Variants in KIAA0232 observed in about 807,000 individuals in gnomAD.
The protein encoded by KIAA0232 is KIAA0232.
KIAA0232 carries 27 observed loss-of-function variants against 122.0 expected under a neutral mutation model. That is an observed-to-expected ratio of 0.22 (90% CI 0.16 to 0.31). The LOEUF (loss-of-function observed/expected upper bound fraction) is 0.31. KIAA0232 is among the 10% of genes least tolerant of loss of function. KIAA0232 has a pLI of 1.00. For synonymous variants in KIAA0232, 613 were observed against 587.6 expected, an observed-to-expected ratio of 1.04 and a Z score of -0.63; for missense variants, 1,551 against 1,634.2, an observed-to-expected ratio of 0.95 and a Z score of 0.88.
At chr4:6,830,330 A>ACCCCAGTG in intron 3 of KIAA0232, among the ~76,000 whole-genome samples, 1 of 151,050 alleles carries the variant, frequency 6.6e-6, no homozygotes, top group Non-Finnish European at 1.5e-5. Context: ...ATTAGGGCTG[A>ACCCCAGTG]CCCCAGTGGC....
chr4:6,800,039 C>CT (rs1717310962), intron 1 of KIAA0232, among the ~76,000 whole-genome samples: 5 of 67,304 alleles, frequency 7.4e-5, no homozygotes, highest in African/African-American at 1.2e-4. Flanking sequence ...TTCTTTCTTT[C>CT]TTTCTTTTTT....
intron 1 of KIAA0232, among the ~76,000 whole-genome samples, chr4:6,786,479 T>C (rs1239955551): frequency 6.6e-6 from 1 of 152,096 alleles, no homozygotes; most frequent in African/African-American, 2.4e-5. Flanking sequence ...ATTAAAACAA[T>C]TTGTTTTTTT....
chr4:6,855,950 C>T lies in KIAA0232; in HGVS notation c.370-1214C>T. 1 of 644,062 alleles carries T rather than the reference C, an allele frequency of 1.6e-6. No homozygotes were observed. Among genetic ancestry groups the T allele is most frequent in the Non-Finnish European group, 1.9e-6 (1 of 518,184 alleles). The allele number at this position is 644,062 out of a possible 1,614,324, so 39.9% of individuals were successfully genotyped here. ...GTTTGTGGTTGAACAGTGTTTATGA[C>T]TAATATCTGCCATCGTTTTTAAGAG... On this transcript the variant is annotated intron_variant, in intron 4 of 9. Coordinates refer to ENST00000307659, the MANE Select transcript of KIAA0232 (RefSeq NM_014743.3). This position sits in a 1 kb window ranked among gnomAD's most constrained non-coding sequence, Gnocchi z 4.3.
intron 1 of KIAA0232, among the ~76,000 whole-genome samples, chr4:6,800,023 TTTTCTTTC>T (rs757767534): frequency 6.4e-5 from 9 of 141,706 alleles, no homozygotes; most frequent in African/African-American, 1.8e-4. Context: ...TCTGTTTTCT[TTTTCTTTC>T]TTTCTTTCTT....
At chr4:6,817,013 A>C (rs1386818025) in intron 2 of KIAA0232, among the ~76,000 whole-genome samples, 3 of 152,052 alleles carry the variant, frequency 2.0e-5, no homozygotes, top group African/African-American at 7.2e-5. Flanking sequence ...AGGTTAAAGA[A>C]CCTGTTTTTG....
chr4:6,788,383 T>G (rs1180137921), intron 1 of KIAA0232, among the ~76,000 whole-genome samples: 1 of 152,244 alleles, frequency 6.6e-6, no homozygotes, highest in Non-Finnish European at 1.5e-5. Flanking sequence ...ATTGGCAGAC[T>G]ACTCTGAAAT....
At chr4:6,845,087 A>G (rs1719881558) in intron 4 of KIAA0232, among the ~76,000 whole-genome samples, 1 of 152,208 alleles carries the variant, frequency 6.6e-6, no homozygotes, top group African/African-American at 2.4e-5. Context: ...CACATAGTGA[A>G]GAATGGCCAT....
intron 2 of KIAA0232, among the ~76,000 whole-genome samples, chr4:6,807,032 G>GTCTGTCTGTCTGTCTATCTA (rs750617409): frequency 2.7e-5 from 4 of 145,746 alleles, no homozygotes; most frequent in African/African-American, 1.0e-4. Context: ...CTGTCTGTCT[G>GTCTGTCTGTCTGTCTATCTA]TCTATCTATC....
chr4:6,876,943 A>G (rs1161214462), intron 9 of KIAA0232, among the ~76,000 whole-genome samples, 186 bp downstream of exon 9: 2 of 152,100 alleles, frequency 1.3e-5, no homozygotes, highest in African/African-American at 2.4e-5. Flanking sequence ...CCCCGCTTCC[A>G]AACCCCCTTG....
In KIAA0232 at chr4:6,824,423, C is replaced by T. The variant is rs770232479; in HGVS notation, c.-31C>T. 1.9e-6 allele frequency: 3 copies of T among 1,548,120 alleles called. No homozygotes were observed. The highest frequency in any genetic ancestry group is 1.7e-5 in the Admixed American group (1 of 59,886). ...AGAATATCAACTGCAGAAAATGCTT[C>T]ACATTTTAAGGATGTCGGCAACCTA... On this transcript the variant is annotated 5_prime_UTR_variant, in exon 3 of 10. Coordinates refer to ENST00000307659, the MANE Select transcript of KIAA0232 (RefSeq NM_014743.3).
intron 2 of KIAA0232, among the ~76,000 whole-genome samples, chr4:6,821,983 T>C (rs1032406499): frequency 3.3e-5 from 5 of 152,130 alleles, no homozygotes; most frequent in African/African-American, 1.2e-4. Context: ...TTGTTTGCTA[T>C]ATTTAATGTT....
chr4:6,784,377 A>T (rs1484300337), intron 1 of KIAA0232, among the ~76,000 whole-genome samples: 1 of 136,264 alleles, frequency 7.3e-6, no homozygotes, highest in Admixed American at 7.9e-5. Flanking sequence ...GCAAAATAAG[A>T]CCCGTTCCAG....
chr4:6,857,642 TA>T (rs1720632169), intron 5 of KIAA0232, among the ~76,000 whole-genome samples: 1 of 152,212 alleles, frequency 6.6e-6, no homozygotes, highest in South Asian at 2.1e-4. Context: ...ATTACGACAT[TA>T]AATTAAGATG....
At chr4:6,818,176 G>C (rs993488919) in intron 2 of KIAA0232, among the ~76,000 whole-genome samples, 4 of 151,954 alleles carry the variant, frequency 2.6e-5, no homozygotes, top group African/African-American at 9.7e-5. Context: ...GCCGAGGCTG[G>C]TGGATCACGA....
chr4:6,827,250 T>A (rs904240198), intron 3 of KIAA0232, among the ~76,000 whole-genome samples: 1 of 152,194 alleles, frequency 6.6e-6, no homozygotes, highest in South Asian at 2.1e-4. Flanking sequence ...TTACAGTCCC[T>A]TGTTAAAGGT....
rs543065519 is a variant in KIAA0232 at position 6,813,385 on chromosome 4, C to T, written c.-270+8779C>T. ...TTTTTGTTTTTTGTTTTTTTTGAGA[C>T]GGAGTCTCGCTCTGTTGCCCAGGCT... On this transcript the variant is annotated intron_variant, in intron 2 of 9. Coordinates refer to ENST00000307659, the MANE Select transcript of KIAA0232 (RefSeq NM_014743.3). Among the ~76,000 whole-genome samples, 693 of 148,112 alleles carry T rather than the reference C, an allele frequency of 4.7e-3. 7 individuals are homozygous for T. Among genetic ancestry groups the T allele is most frequent in the African/African-American group, 0.017 (667 of 40,260 alleles).
chr4:6,862,728 C>T lies in KIAA0232; in HGVS notation c.2346C>T (p.Phe782=). The part of the protein sequence containing the change: ...RTLGEIPTLV[F]KKTSKLESVC... The stretch of plus-strand genomic sequence containing the variant: ...TAGGTGAGATTCCTACATTAGTTTT[C>T]AAAAAAACATCTAAACTAGAATCCG... Residue 782 remains phenylalanine, a synonymous_variant, in exon 7 of 10, where the codon TTC becomes TTT. Coordinates refer to ENST00000307659, the MANE Select transcript of KIAA0232 (RefSeq NM_014743.3). 1 of 1,608,146 alleles carries T rather than the reference C, an allele frequency of 6.2e-7. No individual in the cohort carries two copies. The highest frequency in any genetic ancestry group is 8.5e-7 in the Non-Finnish European group (1 of 1,178,624).
chr4:6,881,659 C>G lies in KIAA0232; in HGVS notation c.*693C>G, dbSNP rs908444489. The G allele has an allele frequency of 1.3e-4, 20 of 152,606 alleles. 1 individual carries two copies. The highest frequency in any genetic ancestry group is 4.8e-4 in the African/African-American group (20 of 41,446). 9.5% of individuals were successfully genotyped at this position (152,606 alleles called of 1,614,324 possible). On this transcript the variant is annotated 3_prime_UTR_variant, in exon 10 of 10. Coordinates refer to ENST00000307659, the MANE Select transcript of KIAA0232 (RefSeq NM_014743.3). ...AGGATTTGGGGTGTGGGGTCGTATG[C>G]GAGACACAGTGGGGTAAGGGTGCAT...
chr4:6,833,958 C>CAGT (rs1170347712), intron 3 of KIAA0232, among the ~76,000 whole-genome samples: 2 of 152,186 alleles, frequency 1.3e-5, no homozygotes, highest in African/African-American at 2.4e-5. Flanking sequence ...TACTGTAAGT[C>CAGT]AGTATCACAT....
Sources: allele counts gnomAD v4.1 joint callset (sites outside exome capture counted in the v4.1 genomes callset), GRCh38; gene constraint gnomAD v4.1.1; non-coding constraint Gnocchi (gnomAD v3.1); transcripts MANE v1.5; gene names NCBI Gene and HGNC (gene_info 2026-07-23, HGNC 2026-07-21).